The following ADAM7 variants were observed in gnomAD, a reference collection of about 807,000 sequenced individuals.
ADAM7 encodes disintegrin and metalloproteinase domain-containing protein 7.
A neutral mutation model predicts 102.9 loss-of-function variants in ADAM7; 97 were observed. That is an observed-to-expected ratio of 0.94 (90% CI 0.80 to 1.12). ADAM7 has a LOEUF of 1.12. ADAM7 is among the 50% of genes most tolerant of loss of function. The pLI is 0.00. For missense variants in ADAM7, 991 were observed against 908.7 expected (o/e 1.09, Z -1.16); for synonymous variants, 334 against 304.4 (o/e 1.10, Z -1.01).
intron 4 of ADAM7, 99 bp from the exon 5 acceptor site, chr8:24,465,595 CAAAAT>C: frequency 1.7e-6 from 1 of 602,878 alleles, no homozygotes; most frequent in Non-Finnish European, 2.5e-6. Flanking sequence ...TGCAATTTGT[CAAAAT>C]AAAACATTGA....
intron 20 of ADAM7, chr8:24,506,287 G>A: frequency 2.8e-6 from 2 of 718,080 alleles, no homozygotes; most frequent in Middle Eastern, 3.6e-4. Context: ...CTGATCGGAG[G>A]TAGAAATGGG....
At chr8:24,483,806 T>A (rs2129388931) in intron 9 of ADAM7, among the ~76,000 whole-genome samples, 2 of 152,298 alleles carry the variant, frequency 1.3e-5, no homozygotes, top group Middle Eastern at 6.8e-3. Flanking sequence ...TAATACTTAA[T>A]AAATAAAACC....
intron 5 of ADAM7, 25 bp from the exon 6 acceptor site, chr8:24,466,774 C>A: frequency 6.3e-7 from 1 of 1,595,986 alleles, no homozygotes; most frequent in Non-Finnish European, 8.6e-7. Flanking sequence ...GCCTTGAATA[C>A]AAATTGTGTT....
intron 2 of ADAM7, among the ~76,000 whole-genome samples, chr8:24,445,627 T>A (rs896470017): frequency 6.6e-6 from 1 of 152,232 alleles, no homozygotes; most frequent in Non-Finnish European, 1.5e-5. Context: ...CTGGCTATAG[T>A]ACTGAGTTTT....
At chr8:24,486,450 T>C (rs1204623765) in intron 10 of ADAM7, among the ~76,000 whole-genome samples, 1 of 152,230 alleles carries the variant, frequency 6.6e-6, no homozygotes, top group Non-Finnish European at 1.5e-5. Flanking sequence ...GAACCTCATA[T>C]TTTTATTTGT....
chr8:24,450,053 C>G (rs1485264382), intron 3 of ADAM7, among the ~76,000 whole-genome samples: 1 of 152,080 alleles, frequency 6.6e-6, no homozygotes. Flanking sequence ...GTTACTGTAG[C>G]CTTGTAGTGT....
chr8:24,463,396 A>G (rs1030229489), intron 3 of ADAM7, among the ~76,000 whole-genome samples: 15 of 152,130 alleles, frequency 9.9e-5, no homozygotes, highest in African/African-American at 3.4e-4. Context: ...GCCATGGGGG[A>G]GAGAGATTGG....
At position 24,492,271 on chromosome 8, in the gene ADAM7, A is replaced by C. The variant is rs1483251473; in HGVS notation, c.1552+173A>C. The C allele has an allele frequency of 7.0e-6, 5 of 713,728 alleles. No individual in the cohort carries two copies. In the African/African-American group the frequency reaches 9.0e-5, roughly 13 times the overall value. The allele number at this position is 713,728 out of a possible 1,614,324, so 44.2% of individuals were successfully genotyped here. A position where few individuals can be genotyped will look rare whatever the true frequency, so the allele number is the denominator to read the frequency against. Reference sequence around the variant, plus strand: ...GTCATATTAGTTGATCTTACGTCTAATATTAACTATCTCAGTATATGAGCT... The same window carrying C: ...GTCATATTAGTTGATCTTACGTCTACTATTAACTATCTCAGTATATGAGCT... On this transcript the variant is annotated intron_variant, in intron 14 of 21. Coordinates refer to ENST00000175238, the MANE Select transcript of ADAM7 (RefSeq NM_003817.4).
At chr8:24,501,655 G>A (rs373894348) in intron 20 of ADAM7, 79 bp downstream of exon 20, 15 of 1,066,622 alleles carry the variant, frequency 1.4e-5, no homozygotes, top group South Asian at 1.7e-5. Context: ...AGTAGAACCC[G>A]TCCTAAGCTA....
chr8:24,507,467 T>G lies in ADAM7; in HGVS notation c.2209-13T>G. ...GATGTGGCACATGATACAACATAAT[T>G]TATTTATTATAGAAACCTGCAAGTA... On this transcript the variant is annotated splice_polypyrimidine_tract_variant and intron_variant, in intron 20 of 21. Coordinates refer to ENST00000175238, the MANE Select transcript of ADAM7 (RefSeq NM_003817.4). 6.2e-7 allele frequency: 1 copy of G among 1,605,976 alleles called. No individual in the cohort carries two copies. The highest frequency in any genetic ancestry group is 8.5e-7 in the Non-Finnish European group (1 of 1,172,994).
chr8:24,467,195 G>A (rs562817965), intron 6 of ADAM7: 1 of 598,888 alleles, frequency 1.7e-6, no homozygotes, highest in Non-Finnish European at 2.9e-6. Context: ...TTTCAAGAAA[G>A]GATGATTCTA....
chr8:24,494,828 G>A (rs1339339245), intron 16 of ADAM7, among the ~76,000 whole-genome samples: 1 of 152,150 alleles, frequency 6.6e-6, no homozygotes, highest in Admixed American at 6.5e-5. Flanking sequence ...ACAAGAAAAG[G>A]AGTAGGCTAA....
intron 11 of ADAM7, among the ~76,000 whole-genome samples, chr8:24,488,652 G>T (rs1231550359): frequency 2.0e-5 from 3 of 152,082 alleles, no homozygotes; most frequent in Non-Finnish European, 4.4e-5. Context: ...AGATGGAAGG[G>T]AGATAAATTT....
At chr8:24,486,639 C>T (rs13270858) in intron 10 of ADAM7, among the ~76,000 whole-genome samples, 42,727 of 151,964 alleles carry the variant, frequency 0.28, 6,601 homozygotes, top group South Asian at 0.38. Context: ...TTAGCAGATT[C>T]GGTGTCTGGT....
chr8:24,486,239 T>C (rs73547077), intron 10 of ADAM7, among the ~76,000 whole-genome samples: 102 of 152,322 alleles, frequency 6.7e-4, no homozygotes, highest in African/African-American at 2.2e-3. Flanking sequence ...AGCTTTATAG[T>C]AATCTGATAG....
chr8:24,488,257 C>G (rs1820211782), intron 11 of ADAM7, among the ~76,000 whole-genome samples: 1 of 152,158 alleles, frequency 6.6e-6, no homozygotes, highest in South Asian at 2.1e-4. Context: ...ATTAAACACT[C>G]CATAAACAGT....
Position 24,485,342 on chromosome 8 carries a change from A to AT in ADAM7, c.943dup (p.Ser315PhefsTer6), listed in dbSNP as rs761215307. The AT allele has an allele frequency of 1.8e-4, 286 of 1,613,696 alleles. No homozygotes were observed. Among genetic ancestry groups the AT allele is most frequent in the Non-Finnish European group, 3.2e-5 (38 of 1,179,752 alleles). On this transcript the variant is annotated frameshift_variant, in exon 10 of 22. Coordinates refer to ENST00000175238, the MANE Select transcript of ADAM7 (RefSeq NM_003817.4). LOFTEE classifies it high-confidence loss of function. ...CCAGGGGGTATGTGCCTGCCCTATT[A>AT]TTCCACCAGTATCATTAAGGTGGGC... is the stretch of plus-strand genomic sequence containing the variant.
chr8:24,472,104 C>A (rs1819624739), intron 7 of ADAM7, among the ~76,000 whole-genome samples: 1 of 123,024 alleles, frequency 8.1e-6, no homozygotes, highest in African/African-American at 3.2e-5. Context: ...TACCTAACAA[C>A]AAAGTATAAA....
intron 19 of ADAM7, among the ~76,000 whole-genome samples, chr8:24,501,186 T>C (rs922584849): frequency 7.2e-5 from 11 of 152,160 alleles, no homozygotes; most frequent in African/African-American, 1.9e-4. Flanking sequence ...CATTAGTATT[T>C]TAAAAATCTT....
Sources: gnomAD v4.1 joint callset for allele counts (sites outside exome capture counted in the v4.1 genomes callset) on GRCh38, gnomAD v4.1.1 for gene constraint, MANE v1.5 for transcripts, NCBI Gene and HGNC (gene_info 2026-07-23, HGNC 2026-07-21) for gene names.